MAGI2: variants seen among roughly 807,000 people sequenced by gnomAD.
The protein encoded by MAGI2 is membrane-associated guanylate kinase, WW and PDZ domain-containing protein 2.
MAGI2 carries 35 observed loss-of-function variants against 133.3 expected under a neutral mutation model. That is an observed-to-expected ratio of 0.26 (90% CI 0.20 to 0.35). MAGI2 has a LOEUF of 0.35. Ranked by LOEUF, MAGI2 falls within the 10% of genes least tolerant of loss-of-function variation. The probability of loss-of-function intolerance (pLI) is 1.00; values close to 1 mark genes in which losing one functional copy is unlikely to be tolerated. For synonymous variants in MAGI2, 729 were observed against 710.6 expected, an observed-to-expected ratio of 1.03 and a Z score of -0.41; for missense variants, 1,636 against 1,863.4, an observed-to-expected ratio of 0.88 and a Z score of 2.25.
rs376048544 is a variant in MAGI2 at position 78,416,072 on chromosome 7, G to A, written c.1046-46859C>T. Among the ~76,000 whole-genome samples the A allele has an allele frequency of 8.1e-4, 123 of 152,216 alleles. 2 individuals carry two copies. The highest frequency in any genetic ancestry group is 2.1e-3 in the African/African-American group (88 of 41,558). ...GTGAGCATGGATTTCGGCTGCCTGA[G>A]GCATGAACTGGCCAATGTGTGGTGA... On this transcript the variant is annotated intron_variant, in intron 6 of 21. Transcript: ENST00000354212.
chr7:78,076,953 A>G (rs1585030288), intron 21 of MAGI2, among the ~76,000 whole-genome samples: 1 of 150,072 alleles, frequency 6.7e-6, no homozygotes, highest in Non-Finnish European at 1.5e-5. Flanking sequence ...TTTCTTCTTC[A>G]TGATAGCTTG....
intron 3 of MAGI2, among the ~76,000 whole-genome samples, chr7:78,581,669 C>G (rs1018962337): frequency 6.6e-6 from 1 of 152,064 alleles, no homozygotes; most frequent in African/African-American, 2.4e-5. Context: ...TCATTGAAGC[C>G]CCTGTAATAA....
chr7:78,086,905 C>T (rs555261674), intron 20 of MAGI2, among the ~76,000 whole-genome samples: 14 of 152,260 alleles, frequency 9.2e-5, no homozygotes, highest in African/African-American at 2.4e-4. Flanking sequence ...CAAAGTGCTA[C>T]GATTACAGGC....
At chr7:79,256,485 T>C (rs1270927238) in intron 1 of MAGI2, among the ~76,000 whole-genome samples, 3 of 120,312 alleles carry the variant, frequency 2.5e-5, no homozygotes, top group East Asian at 5.7e-4. Context: ...TCTCTCTCTC[T>C]CTTTTTTTTT....
chr7:79,153,363 C>A (rs1450385731), intron 1 of MAGI2, among the ~76,000 whole-genome samples: 2 of 152,126 alleles, frequency 1.3e-5, no homozygotes, highest in Non-Finnish European at 2.9e-5. Context: ...ATGGAGCGCA[C>A]AGTTAATCTA....
intron 21 of MAGI2, among the ~76,000 whole-genome samples, chr7:78,057,682 A>C (rs1487620795): frequency 6.6e-6 from 1 of 152,120 alleles, no homozygotes. Flanking sequence ...GTTTCTAGCC[A>C]GAGCTTTTTT....
At chr7:78,846,025 C>T (rs556150128) in intron 2 of MAGI2, among the ~76,000 whole-genome samples, 3 of 151,978 alleles carry the variant, frequency 2.0e-5, no homozygotes, top group East Asian at 1.9e-4. Context: ...GAATTGTTTA[C>T]AACAAATCTT....
At chr7:78,537,054 C>A (rs987347989) in intron 3 of MAGI2, among the ~76,000 whole-genome samples, 1 of 151,990 alleles carries the variant, frequency 6.6e-6, no homozygotes, top group African/African-American at 2.4e-5. Flanking sequence ...TGAGAACATA[C>A]AATGTTTAGT....
intron 9 of MAGI2, among the ~76,000 whole-genome samples, chr7:78,289,333 A>G (rs991394011): frequency 6.6e-6 from 1 of 152,210 alleles, no homozygotes; most frequent in African/African-American, 2.4e-5. Flanking sequence ...TAGCTGATTC[A>G]GTCAAGTGGA....
chr7:78,649,236 G>GAAAAAA (rs3085451), intron 2 of MAGI2, among the ~76,000 whole-genome samples: 1 of 88,188 alleles, frequency 1.1e-5, no homozygotes, highest in Non-Finnish European at 2.1e-5. Flanking sequence ...AAAAAAAAAA[G>GAAAAAA]AAAAAAAAAG....
At chr7:78,164,939 G>A (rs975753052) in intron 15 of MAGI2, among the ~76,000 whole-genome samples, 1 of 151,768 alleles carries the variant, frequency 6.6e-6, no homozygotes, top group Non-Finnish European at 1.5e-5. Context: ...CATATCCTTG[G>A]GAAAAAAAAC....
At chr7:78,048,531 A>C (rs1466921584) in intron 21 of MAGI2, among the ~76,000 whole-genome samples, 1 of 152,158 alleles carries the variant, frequency 6.6e-6, no homozygotes, top group African/African-American at 2.4e-5. Context: ...TAATATATAA[A>C]AATGTATGAT....
intron 21 of MAGI2, among the ~76,000 whole-genome samples, chr7:78,038,660 G>T (rs762925898): frequency 4.6e-5 from 7 of 152,174 alleles, no homozygotes; most frequent in Admixed American, 3.3e-4. Context: ...GTTCAAGATG[G>T]CTCTAAAGTC....
intron 1 of MAGI2, among the ~76,000 whole-genome samples, chr7:79,028,339 A>ACC (rs1810222471): frequency 7.5e-6 from 1 of 133,884 alleles, no homozygotes; most frequent in Non-Finnish European, 1.6e-5. Flanking sequence ...ATATATATAC[A>ACC]CACACACACA....
intron 1 of MAGI2, among the ~76,000 whole-genome samples, chr7:79,098,813 C>T (rs1052836181): frequency 4.6e-5 from 7 of 152,134 alleles, no homozygotes; most frequent in African/African-American, 1.7e-4. Context: ...GGACCCATAA[C>T]CTTAGGGTGT....
At chr7:78,755,298 G>C (rs1232689132) in intron 2 of MAGI2, among the ~76,000 whole-genome samples, 4 of 152,188 alleles carry the variant, frequency 2.6e-5, no homozygotes, top group Non-Finnish European at 4.4e-5. Context: ...AACTATGGCA[G>C]CTTAGGAAAA....
intron 1 of MAGI2, among the ~76,000 whole-genome samples, chr7:79,401,092 C>A (rs1208976666): frequency 6.6e-6 from 1 of 152,112 alleles, no homozygotes; most frequent in African/African-American, 2.4e-5. Context: ...TTTTTACATC[C>A]ATTCTTCACA....
chr7:78,367,808 T>C (rs1350989698), intron 7 of MAGI2, among the ~76,000 whole-genome samples: 1 of 152,184 alleles, frequency 6.6e-6, no homozygotes, highest in Non-Finnish European at 1.5e-5. Context: ...TATTTAGTGT[T>C]ATATTTATTT....
At chr7:78,045,425 G>C (rs1173182793) in intron 21 of MAGI2, among the ~76,000 whole-genome samples, 2 of 152,076 alleles carry the variant, frequency 1.3e-5, no homozygotes, top group African/African-American at 4.8e-5. Context: ...AATGAATTTA[G>C]AAACACTTCT....
Sources: allele counts gnomAD v4.1 joint callset (sites outside exome capture counted in the v4.1 genomes callset), GRCh38; gene constraint gnomAD v4.1.1; transcripts MANE v1.5; gene names NCBI Gene and HGNC (gene_info 2026-07-23, HGNC 2026-07-21).